Variants in GHR observed in about 807,000 individuals in gnomAD.
GHR encodes growth hormone receptor, also known as GH receptor.
A neutral mutation model predicts 67.1 loss-of-function variants in GHR; 35 were observed. The observed-to-expected ratio is 0.52, with a 90% CI of 0.40 to 0.69. The LOEUF is 0.69. Ranked by LOEUF, GHR falls within the 30% of genes least tolerant of loss-of-function variation. GHR has a pLI of 0.00. For synonymous variants in GHR, 272 were observed against 269.1 expected (o/e 1.01, Z -0.10); for missense variants, 792 against 764.6 (o/e 1.04, Z -0.42).
At chr5:42,497,706 T>C (rs1746377697) in intron 1 of GHR, among the ~76,000 whole-genome samples, 1 of 152,206 alleles carries the variant, frequency 6.6e-6, no homozygotes, top group Non-Finnish European at 1.5e-5. Context: ...AGTTTGCTGA[T>C]CTCTACTTTG....
chr5:42,436,666 A>G (rs4866781), intron 1 of GHR, among the ~76,000 whole-genome samples: 2,818 of 152,328 alleles, frequency 0.018, 151 homozygotes, highest in East Asian at 0.11. Context: ...AAAGTATTTT[A>G]TGATTGTATA....
chr5:42,597,940 T>C (rs1752166426), intron 2 of GHR, among the ~76,000 whole-genome samples: 1 of 152,138 alleles, frequency 6.6e-6, no homozygotes, highest in African/African-American at 2.4e-5. Flanking sequence ...ATAGTTAATA[T>C]GCAGAAATGA....
At chr5:42,581,949 A>C (rs1579990043) in intron 2 of GHR, among the ~76,000 whole-genome samples, 1 of 152,160 alleles carries the variant, frequency 6.6e-6, no homozygotes, top group East Asian at 1.9e-4. Flanking sequence ...TGCACCCAGC[A>C]CCCGCTCCGG....
At chr5:42,476,321 G>A (rs1226251739) in intron 1 of GHR, among the ~76,000 whole-genome samples, 1 of 151,928 alleles carries the variant, frequency 6.6e-6, no homozygotes, top group Non-Finnish European at 1.5e-5. Flanking sequence ...CCAGGTTCAA[G>A]TGATTCCCCT....
At chr5:42,596,350 T>C (rs962750630) in intron 2 of GHR, among the ~76,000 whole-genome samples, 16 of 151,222 alleles carry the variant, frequency 1.1e-4, no homozygotes, top group African/African-American at 3.4e-4. Flanking sequence ...TATGTATAAA[T>C]TGCTTTAAGA....
rs147856897 is a variant in GHR at position 42,572,466 on chromosome 5, G to A, written c.70+6522G>A. 2.2e-3 allele frequency among the ~76,000 whole-genome samples: 331 copies of A among 152,298 alleles called. 2 individuals are homozygous for A. Among genetic ancestry groups the A allele is most frequent in the African/African-American group, 7.6e-3 (316 of 41,558 alleles). On this transcript the variant is annotated intron_variant, in intron 2 of 9. Coordinates refer to ENST00000230882, the MANE Select transcript of GHR (RefSeq NM_000163.5). Reference sequence around the variant, plus strand: ...CCTCATCATCTGTAGTTAGCAGCATGAAGACGGTGATGATGTGTAACATAA... The same window carrying A: ...CCTCATCATCTGTAGTTAGCAGCATAAAGACGGTGATGATGTGTAACATAA...
rs144666752 is a variant in GHR at position 42,718,490 on chromosome 5, T to C, written c.983T>C (p.Ile328Thr). The C allele has an allele frequency of 2.5e-6, 4 of 1,612,356 alleles. No individual in the cohort carries two copies. In the African/African-American group the frequency reaches 4.0e-5, roughly 16 times the overall value. Residue 328 changes from isoleucine (I) to threonine (T), a missense_variant, in exon 10 of 10, where the codon ATT becomes ACT. Physicochemically the swap from Ile to Thr is moderately conservative, Grantham distance 89 (BLOSUM62 -1). Transcript: ENST00000230882. ...KLEEVNTILA[I>T]HDSYKPEFHS... ...GAGGAGGTGAACACAATCTTAGCCA[T>C]TCATGATAGCTATAAACCCGAATTC...
intron 1 of GHR, among the ~76,000 whole-genome samples, chr5:42,505,123 T>TC (rs1746708282): frequency 2.6e-5 from 1 of 39,116 alleles, no homozygotes; most frequent in African/African-American, 1.0e-4. Flanking sequence ...CTGTTGACTG[T>TC]TTTTTTTTTT....
intron 1 of GHR, among the ~76,000 whole-genome samples, chr5:42,502,387 C>T (rs771975504): frequency 9.9e-5 from 15 of 151,808 alleles, no homozygotes; most frequent in Non-Finnish European, 1.8e-4. Flanking sequence ...TTAAGGATAC[C>T]CTCTATGTGC....
intron 1 of GHR, among the ~76,000 whole-genome samples, chr5:42,472,066 G>A (rs932508459): frequency 6.6e-6 from 1 of 152,174 alleles, no homozygotes; most frequent in Non-Finnish European, 1.5e-5. Flanking sequence ...CATTCACTTA[G>A]GCTGGGATAA....
chr5:42,534,980 G>A (rs1004829720), intron 1 of GHR, among the ~76,000 whole-genome samples: 4 of 151,410 alleles, frequency 2.6e-5, no homozygotes, highest in Non-Finnish European at 5.9e-5. Flanking sequence ...AATTGCCTTA[G>A]CCCACTTTTT....
chr5:42,480,584 A>C (rs1233164044), intron 1 of GHR, among the ~76,000 whole-genome samples: 1 of 152,328 alleles, frequency 6.6e-6, no homozygotes, highest in African/African-American at 2.4e-5. Flanking sequence ...TATTAGGTGC[A>C]TATATATTTA....
chr5:42,631,458 G>A (rs574363772), intron 3 of GHR, among the ~76,000 whole-genome samples: 127 of 152,150 alleles, frequency 8.3e-4, no homozygotes, highest in Non-Finnish European at 1.5e-3. Context: ...TTATCATCAC[G>A]AGCCTCACAT....
chr5:42,435,522 T>C (rs372975786), intron 1 of GHR, among the ~76,000 whole-genome samples: 37 of 152,180 alleles, frequency 2.4e-4, no homozygotes, highest in East Asian at 9.6e-4. Context: ...TAAGTAAGTT[T>C]TTTATCTGGG....
chr5:42,531,141 G>T (rs559225536), intron 1 of GHR, among the ~76,000 whole-genome samples: 1 of 151,908 alleles, frequency 6.6e-6, no homozygotes, highest in East Asian at 1.9e-4. Context: ...GGTGGTGTGC[G>T]CCTGTAATCC....
intron 1 of GHR, among the ~76,000 whole-genome samples, chr5:42,565,119 G>A (rs1402256186): frequency 6.6e-6 from 1 of 152,096 alleles, no homozygotes; most frequent in African/African-American, 2.4e-5. Context: ...TAGACTGAAG[G>A]GCTCCAGGTG....
At chr5:42,577,904 T>C (rs1322325374) in intron 2 of GHR, among the ~76,000 whole-genome samples, 1 of 152,216 alleles carries the variant, frequency 6.6e-6, no homozygotes, top group Non-Finnish European at 1.5e-5. Flanking sequence ...AGGAAGATGA[T>C]TCAATGCAAG....
intron 3 of GHR, among the ~76,000 whole-genome samples, chr5:42,663,691 G>T (rs1755790240): frequency 6.6e-6 from 1 of 152,158 alleles, no homozygotes; most frequent in African/African-American, 2.4e-5. Flanking sequence ...GCACAAGACA[G>T]GGATGACCTC....
intron 1 of GHR, among the ~76,000 whole-genome samples, chr5:42,493,690 G>C (rs1217645045): frequency 6.6e-6 from 1 of 152,132 alleles, no homozygotes; most frequent in African/African-American, 2.4e-5. Context: ...TTCAACTTTT[G>C]TATACATATG....
Sources: gnomAD v4.1 joint callset for allele counts (sites outside exome capture counted in the v4.1 genomes callset) on GRCh38, gnomAD v4.1.1 for gene constraint, MANE v1.5 for transcripts, NCBI Gene and HGNC (gene_info 2026-07-23, HGNC 2026-07-21) for gene names.